TECR: variants seen among roughly 807,000 people sequenced by gnomAD.
TECR encodes the protein very-long-chain enoyl-CoA reductase.
In TECR, 19 loss-of-function variants were observed where a neutral mutation model predicts 50.6. The observed-to-expected ratio is 0.38, with a 90% CI of 0.26 to 0.55. The LOEUF (loss-of-function observed/expected upper bound fraction) is 0.55. Ranked by LOEUF, TECR falls within the 20% of genes least tolerant of loss-of-function variation. The pLI, the probability that TECR is intolerant of heterozygous loss-of-function variation, is 0.79. For synonymous variants in TECR, 168 were observed against 163.5 expected (o/e 1.03, Z -0.21); for missense variants, 313 against 408.3 (o/e 0.77, Z 2.01).
intron 1 of TECR, among the ~76,000 whole-genome samples, chr19:14,547,816 A>G (rs924996620): frequency 3.0e-4 from 46 of 151,810 alleles, no homozygotes; most frequent in Non-Finnish European, 2.9e-4. Flanking sequence ...CATACCACCT[A>G]CAGCCGGCTA....
In TECR at chr19:14,563,780, C is replaced by T. The variant is rs1315628656; in HGVS notation, c.164-20C>T. 8.7e-6 allele frequency: 14 copies of T among 1,612,666 alleles called. No homozygotes were observed. The highest frequency in any genetic ancestry group is 1.3e-5 in the African/African-American group (1 of 74,892). The stretch of plus-strand genomic sequence containing the variant: ...GAGAAGGCCCGGGTAGCCCCTGAGC[C>T]CTGGCCCGCCTCTCTGCAGAGGGCA... On this transcript the variant is annotated intron_variant, in intron 4 of 12. Transcript: ENST00000215567. The surrounding 1 kb of genome is among the most constrained non-coding windows in gnomAD (Gnocchi z 5.3).
intron 1 of TECR, among the ~76,000 whole-genome samples, chr19:14,551,464 G>T (rs2073502133): frequency 6.6e-6 from 1 of 152,082 alleles, no homozygotes; most frequent in Non-Finnish European, 1.5e-5. Flanking sequence ...TGTGTTAGAT[G>T]GTCTTGCAGG....
At chr19:14,534,579 G>A (rs760007806) in intron 1 of TECR, among the ~76,000 whole-genome samples, 13 of 151,862 alleles carry the variant, frequency 8.6e-5, no homozygotes, top group South Asian at 4.2e-4. Flanking sequence ...GTTATTACAG[G>A]TGGGTGCCAC....
intron 1 of TECR, among the ~76,000 whole-genome samples, chr19:14,543,216 A>C (rs2073161115): frequency 1.4e-5 from 2 of 139,754 alleles, no homozygotes; most frequent in African/African-American, 5.5e-5. Flanking sequence ...TGTCTAACTC[A>C]GGAGGTGGGC....
At position 14,529,638 on chromosome 19, in the gene TECR, C is replaced by T. The variant is rs771674833; in HGVS notation, c.-59C>T. The stretch of plus-strand genomic sequence containing the variant: ...TTGCGAGCGCTGTAGGGAGCCTGTG[C>T]TGTGCCGCGCAGTTAGGCAGCAGCA... On this transcript the variant is annotated 5_prime_UTR_variant, in exon 1 of 13. Transcript: ENST00000215567. 5 of 1,613,296 alleles carry T rather than the reference C, an allele frequency of 3.1e-6. No individual in the cohort carries two copies. Among genetic ancestry groups the T allele is most frequent in the Non-Finnish European group, 3.4e-6 (4 of 1,179,568 alleles).
chr19:14,534,225 C>T (rs888997358), intron 1 of TECR, among the ~76,000 whole-genome samples: 13 of 150,846 alleles, frequency 8.6e-5, no homozygotes, highest in East Asian at 7.9e-4. Flanking sequence ...CCCGGGTTCA[C>T]GCCATTCTCC....
intron 1 of TECR, among the ~76,000 whole-genome samples, chr19:14,539,938 G>A (rs1356032909): frequency 6.6e-6 from 1 of 151,486 alleles, no homozygotes; most frequent in Non-Finnish European, 1.5e-5. Context: ...GGAGTGCAGT[G>A]GTGGGATTTT....
At chr19:14,539,746 C>T (rs548023147) in intron 1 of TECR, among the ~76,000 whole-genome samples, 5 of 152,154 alleles carry the variant, frequency 3.3e-5, no homozygotes, top group Admixed American at 6.5e-5. Context: ...TTCGTGTTAC[C>T]GAGCGCTCAG....
At chr19:14,543,890 CCCA>C (rs748742134) in intron 1 of TECR, among the ~76,000 whole-genome samples, 13 of 151,472 alleles carry the variant, frequency 8.6e-5, no homozygotes, top group Non-Finnish European at 1.9e-4. Flanking sequence ...CATGCACCAC[CCCA>C]CACCTGGCTT....
chr19:14,562,215 A>G, intron 1 of TECR: 1 of 601,108 alleles, frequency 1.7e-6, no homozygotes, highest in Non-Finnish European at 3.0e-6. Flanking sequence ...CATCTGGCAC[A>G]GAAGTCGGCA....
At chr19:14,544,027 C>A (rs551223974) in intron 1 of TECR, among the ~76,000 whole-genome samples, 10 of 152,112 alleles carry the variant, frequency 6.6e-5, no homozygotes, top group African/African-American at 2.2e-4. Context: ...TGTGAGCCAA[C>A]GTGCCGGGCC....
intron 1 of TECR, among the ~76,000 whole-genome samples, chr19:14,543,419 ATTTTT>A (rs1169742953): frequency 8.7e-4 from 19 of 21,832 alleles, no homozygotes; most frequent in African/African-American, 1.5e-3. Context: ...ATATATATAT[ATTTTT>A]TTTTTTTTTT....
chr19:14,536,267 GTTTT>G (rs201416657), intron 1 of TECR, among the ~76,000 whole-genome samples: 1 of 138,044 alleles, frequency 7.2e-6, no homozygotes. Context: ...TCTCGAGCTA[GTTTT>G]TTTTTTTTTT....
At chr19:14,529,525 G>A, upstream of TECR, 1 of 860,196 alleles carries the variant, frequency 1.2e-6, no homozygotes, top group Non-Finnish European at 1.9e-6. Context: ...GGCGAACGTG[G>A]GCGCCTCGTG....
At chr19:14,534,065 C>T (rs2072770942) in intron 1 of TECR, 1 of 152,014 alleles carries the variant, frequency 6.6e-6, no homozygotes. Context: ...CCATTTCCCG[C>T]AGCTGAATAC....
intron 1 of TECR, among the ~76,000 whole-genome samples, chr19:14,541,004 T>TTAG (rs2073078868): frequency 6.6e-6 from 1 of 152,060 alleles, no homozygotes; most frequent in Admixed American, 6.6e-5. Flanking sequence ...TTTGGTATTT[T>TTAG]TAGTAGAGAC....
intron 1 of TECR, among the ~76,000 whole-genome samples, chr19:14,547,712 G>A (rs2073352902): frequency 6.7e-6 from 1 of 149,866 alleles, no homozygotes; most frequent in Admixed American, 6.7e-5. Context: ...AGGTTGGAGT[G>A]CAATGGTGCT....
chr19:14,533,791 T>C (rs1439475966), intron 1 of TECR: 1 of 152,244 alleles, frequency 6.6e-6, no homozygotes, highest in Non-Finnish European at 1.5e-5. Context: ...AGGCCTTGGC[T>C]GAAGCCGTCT....
rs768867355 is a variant in TECR at position 14,563,690 on chromosome 19, C to T, written c.151C>T (p.Arg51Cys). 40 of 1,612,952 alleles carry T rather than the reference C, an allele frequency of 2.5e-5. No homozygotes were observed. In the Middle Eastern group the frequency reaches 5.0e-4, roughly 20 times the overall value. ...GTGGTACCCCGCCCGCCAGTCCCTC[C>T]GCCTGGACCCCAGTGAGTACAGCTG... ...PQWYPARQSL[R>C]LDPKGKSLKD... Residue 51 changes from arginine to cysteine, a missense_variant, in exon 4 of 13, where the codon CGC (arginine) becomes TGC (cysteine). Arg to Cys is a radical substitution (Grantham distance 180). Coordinates refer to ENST00000215567, the MANE Select transcript of TECR (RefSeq NM_138501.6). The surrounding 1 kb of genome is among the most constrained non-coding windows in gnomAD (Gnocchi z 5.3).
Sources: gnomAD v4.1 joint callset for allele counts (sites outside exome capture counted in the v4.1 genomes callset) on GRCh38, gnomAD v4.1.1 for gene constraint, Gnocchi (gnomAD v3.1) non-coding constraint, MANE v1.5 for transcripts, NCBI Gene and HGNC (gene_info 2026-07-23, HGNC 2026-07-21) for gene names.